Variants in FTO observed in about 807,000 individuals in gnomAD.
FTO encodes alpha-ketoglutarate-dependent dioxygenase FTO.
Under a neutral mutation model 63.9 loss-of-function variants are expected in FTO, and 47 were observed. That is an observed-to-expected ratio of 0.74 (90% confidence interval 0.58 to 0.94). The LOEUF is 0.94. Ranked by LOEUF, FTO falls within the 40% of genes least tolerant of loss-of-function variation. The probability of loss-of-function intolerance (pLI) is 0.00; values close to 1 mark genes in which losing one functional copy is unlikely to be tolerated. For synonymous variants in FTO, 207 were observed against 224.4 expected, an observed-to-expected ratio of 0.92 and a Z score of 0.69; for missense variants, 562 against 618.1, an observed-to-expected ratio of 0.91 and a Z score of 0.96.
chr16:53,713,963 A>G (rs906209766), intron 1 of FTO, among the ~76,000 whole-genome samples: 3 of 152,228 alleles, frequency 2.0e-5, no homozygotes, highest in South Asian at 4.1e-4. Flanking sequence ...TGTTTTTGCT[A>G]TAAGCATCTG....
chr16:53,892,257 A>G (rs2081168232), intron 7 of FTO, among the ~76,000 whole-genome samples: 2 of 151,976 alleles, frequency 1.3e-5, no homozygotes, highest in African/African-American at 2.4e-5. Context: ...AGTTGCAAGC[A>G]GTAGGGGGCA....
At chr16:53,929,420 C>T (rs1219099167) in intron 7 of FTO, among the ~76,000 whole-genome samples, 1 of 152,142 alleles carries the variant, frequency 6.6e-6, no homozygotes, top group Non-Finnish European at 1.5e-5. Flanking sequence ...GGATGTACCA[C>T]CGTGTATTTA....
chr16:53,900,166 G>C (rs1052640018), intron 7 of FTO, among the ~76,000 whole-genome samples: 1 of 152,166 alleles, frequency 6.6e-6, no homozygotes, highest in African/African-American at 2.4e-5. Context: ...AAGTAGCACA[G>C]GGTGGCCTTC....
At chr16:53,735,652 C>T (rs1387052951) in intron 1 of FTO, among the ~76,000 whole-genome samples, 1 of 152,208 alleles carries the variant, frequency 6.6e-6, no homozygotes, top group Non-Finnish European at 1.5e-5. Flanking sequence ...TGAGTAATTC[C>T]AGCAGCAGCT....
At chr16:53,881,241 A>C (rs2151893345) in intron 6 of FTO, among the ~76,000 whole-genome samples, 1 of 152,288 alleles carries the variant, frequency 6.6e-6, no homozygotes, top group Admixed American at 6.5e-5. Context: ...AATGCAAAGG[A>C]GGCTAGATAA....
intron 7 of FTO, among the ~76,000 whole-genome samples, chr16:53,929,955 G>A (rs530641540): frequency 2.0e-4 from 30 of 152,156 alleles, no homozygotes; most frequent in Non-Finnish European, 3.8e-4. Flanking sequence ...GGTGATACAG[G>A]GTGATGCTAG....
At chr16:53,811,809 CTCT>C (rs967400120) in intron 2 of FTO, among the ~76,000 whole-genome samples, 2 of 151,926 alleles carry the variant, frequency 1.3e-5, no homozygotes, top group Non-Finnish European at 1.5e-5. Context: ...CTTTATCTGT[CTCT>C]TCTTTTTTTT....
At chr16:53,761,263 AT>A (rs11394373) in intron 1 of FTO, among the ~76,000 whole-genome samples, 25 of 145,966 alleles carry the variant, frequency 1.7e-4, no homozygotes, top group Non-Finnish European at 2.1e-4. Flanking sequence ...CACCCAGCTC[AT>A]TTTTTTTTTT....
At chr16:53,942,457 G>T (rs2082552561) in intron 8 of FTO, among the ~76,000 whole-genome samples, 1 of 152,170 alleles carries the variant, frequency 6.6e-6, no homozygotes, top group African/African-American at 2.4e-5. Flanking sequence ...ATGGAGCTGG[G>T]TGAGAAGAGG....
At chr16:53,831,933 A>AAC (rs2079156059) in intron 3 of FTO, among the ~76,000 whole-genome samples, 1 of 152,186 alleles carries the variant, frequency 6.6e-6, no homozygotes, top group South Asian at 2.1e-4. Flanking sequence ...TTAGAATACA[A>AAC]AGTAGTAGGT....
chr16:53,809,240 A>T (rs536756493), intron 1 of FTO, among the ~76,000 whole-genome samples: 2 of 152,328 alleles, frequency 1.3e-5, no homozygotes, highest in South Asian at 4.1e-4. Context: ...TGGAATTGGA[A>T]AAGAGAAGAA....
At chr16:53,928,615 GT>G (rs147386392) in intron 7 of FTO, among the ~76,000 whole-genome samples, 1 of 151,952 alleles carries the variant, frequency 6.6e-6, no homozygotes, top group Non-Finnish European at 1.5e-5. Flanking sequence ...TATTAAAATA[GT>G]TTTTTGTAAC....
chr16:53,822,321 T>G (rs565798554), intron 2 of FTO, among the ~76,000 whole-genome samples: 1 of 152,308 alleles, frequency 6.6e-6, no homozygotes, highest in East Asian at 1.9e-4. Context: ...TCTTTTTCCT[T>G]CTAGCCTATT....
At chr16:53,716,168 C>A (rs1005831205) in intron 1 of FTO, among the ~76,000 whole-genome samples, 1 of 152,094 alleles carries the variant, frequency 6.6e-6, no homozygotes, top group Non-Finnish European at 1.5e-5. Context: ...CTGAATGACT[C>A]GTAGCTGTTT....
chr16:53,921,868 AT>A (rs1173233292), intron 7 of FTO, among the ~76,000 whole-genome samples: 1 of 152,170 alleles, frequency 6.6e-6, no homozygotes, highest in Admixed American at 6.5e-5. Flanking sequence ...ATATATATAT[AT>A]AGCATAACAG....
At chr16:53,732,057 T>C (rs1375607058) in intron 1 of FTO, among the ~76,000 whole-genome samples, 1 of 143,572 alleles carries the variant, frequency 7.0e-6, no homozygotes, top group Admixed American at 6.9e-5. Context: ...TTTTTTTTTT[T>C]TTTTTTTTTG....
chr16:53,985,593 C>T (rs1599146016), intron 8 of FTO, among the ~76,000 whole-genome samples: 2 of 152,164 alleles, frequency 1.3e-5, no homozygotes, highest in East Asian at 1.9e-4. Context: ...CACTGGCAGT[C>T]CCCTCCTTCC....
chr16:53,893,533 T>C (rs893138390), intron 7 of FTO, among the ~76,000 whole-genome samples: 7 of 152,174 alleles, frequency 4.6e-5, no homozygotes, highest in African/African-American at 1.7e-4. Context: ...CTGGTATCGC[T>C]CTTTGCAAAA....
chr16:53,783,490 C>T (rs1007733879), intron 1 of FTO, among the ~76,000 whole-genome samples: 4 of 151,084 alleles, frequency 2.6e-5, no homozygotes, highest in African/African-American at 9.7e-5. Context: ...CGCCTGTAGT[C>T]CCAGCTACTC....
Sources: gnomAD v4.1 joint callset for allele counts (sites outside exome capture counted in the v4.1 genomes callset) on GRCh38, gnomAD v4.1.1 for gene constraint, MANE v1.5 for transcripts, NCBI Gene and HGNC (gene_info 2026-07-23, HGNC 2026-07-21) for gene names.